CRYBA4: variants seen among roughly 807,000 people sequenced by gnomAD.
The protein encoded by CRYBA4 is beta-crystallin A4.
A neutral mutation model predicts 31.7 loss-of-function variants in CRYBA4; 30 were observed. The observed-to-expected ratio is 0.95, with a 90% CI of 0.71 to 1.28. The LOEUF (loss-of-function observed/expected upper bound fraction) is 1.28. Among genes scored for constraint, CRYBA4 ranks in the 50% most tolerant of loss-of-function variants. The pLI, the probability that CRYBA4 is intolerant of heterozygous loss-of-function variation, is 0.00. For missense variants in CRYBA4, 225 were observed against 260.7 expected (o/e 0.86, Z 0.94); for synonymous variants, 102 against 102.3 (o/e 1.00, Z 0.02).
chr22:26,615,703 AG>A, the CRYBA4 span, among the ~76,000 whole-genome samples: 1 of 151,146 alleles, frequency 6.6e-6, no homozygotes, highest in Non-Finnish European at 1.5e-5. Context: ...TAGTAGAGAC[AG>A]GGTTTCACCA....
At chr22:26,610,070 C>T in the CRYBA4 span, among the ~76,000 whole-genome samples, 1 of 152,066 alleles carries the variant, frequency 6.6e-6, no homozygotes, top group African/African-American at 2.4e-5. Flanking sequence ...CCCCTAAAAT[C>T]TCCCCTATCT....
intron 4 of CRYBA4, among the ~76,000 whole-genome samples, chr22:26,626,957 C>G (rs1415387137): frequency 6.6e-6 from 1 of 152,218 alleles, no homozygotes; most frequent in South Asian, 2.1e-4. Flanking sequence ...TCGCAATCAT[C>G]AGTCCAGGTG....
At chr22:26,617,258 T>C (rs569933720), upstream of CRYBA4, among the ~76,000 whole-genome samples, 11 of 152,306 alleles carry the variant, frequency 7.2e-5, no homozygotes, top group Middle Eastern at 3.4e-3. Context: ...TTTGAATGTT[T>C]GATGAATACC....
At chr22:26,627,426 T>A in intron 4 of CRYBA4, among the ~76,000 whole-genome samples, 1 of 75,350 alleles carries the variant, frequency 1.3e-5, no homozygotes, top group African/African-American at 1.0e-4. Context: ...CTTTCTTTCT[T>A]TTTCTTTCTT....
chr22:26,609,597 G>A, the CRYBA4 span, among the ~76,000 whole-genome samples: 1 of 152,192 alleles, frequency 6.6e-6, no homozygotes, highest in Non-Finnish European at 1.5e-5. Context: ...AACACATGGT[G>A]GGTACGTGTG....
the CRYBA4 span, among the ~76,000 whole-genome samples, chr22:26,591,803 G>A: frequency 6.6e-6 from 1 of 151,418 alleles, no homozygotes; most frequent in African/African-American, 2.4e-5. Flanking sequence ...CCCTACTTGG[G>A]AGGCTGAGGC....
chr22:26,607,383 G>A, the CRYBA4 span, among the ~76,000 whole-genome samples: 133 of 151,992 alleles, frequency 8.8e-4, 1 homozygote, highest in East Asian at 0.021. Flanking sequence ...GTTTCGAATG[G>A]GCACTGAAAT....
At chr22:26,611,951 T>A in the CRYBA4 span, 4 of 768,036 alleles carry the variant, frequency 5.2e-6, no homozygotes, top group Non-Finnish European at 9.5e-6. Flanking sequence ...TTGGACATAA[T>A]GTATGTGCCA....
intron 1 of CRYBA4, 132 bp from the exon 2 acceptor site, chr22:26,622,453 C>G: frequency 1.3e-6 from 1 of 761,112 alleles, no homozygotes; most frequent in Non-Finnish European, 2.4e-6. Flanking sequence ...CAGGCCAAAG[C>G]CATGCATTGC....
intron 3 of CRYBA4, 142 bp from the exon 4 acceptor site, chr22:26,625,339 C>A: frequency 1.0e-6 from 1 of 955,994 alleles, no homozygotes; most frequent in Non-Finnish European, 1.6e-6. Flanking sequence ...CCAAAAATGT[C>A]TCCAGCCATC....
rs777265040 is a variant in CRYBA4 at position 26,625,628 on chromosome 22, T to A, written c.300+6T>A. On this transcript the variant is annotated splice_donor_region_variant and intron_variant, in intron 4 of 5. Coordinates refer to ENST00000354760, the MANE Select transcript of CRYBA4 (RefSeq NM_001886.3). ...TCCGGCCTGCGGCCTGTGCTGTAAG[T>A]TCTACCACTGCTGCATCCCGGGGAG... The A allele has an allele frequency of 6.8e-6, 11 of 1,613,418 alleles. No individual in the cohort carries two copies. The highest frequency in any genetic ancestry group is 9.3e-6 in the Non-Finnish European group (11 of 1,179,794).
the CRYBA4 span, among the ~76,000 whole-genome samples, chr22:26,609,247 C>G: frequency 6.6e-6 from 1 of 152,288 alleles, no homozygotes; most frequent in African/African-American, 2.4e-5. Flanking sequence ...ACAGGAGCCT[C>G]AGGTCTTTGT....
the CRYBA4 span, among the ~76,000 whole-genome samples, chr22:26,598,602 T>TC: frequency 1.3e-5 from 2 of 152,282 alleles, no homozygotes; most frequent in South Asian, 4.1e-4. Context: ...CAGGCTGGTC[T>TC]CCAACTCCTG....
At chr22:26,623,956 C>G (rs1228737136) in intron 3 of CRYBA4, among the ~76,000 whole-genome samples, 2 of 152,158 alleles carry the variant, frequency 1.3e-5, no homozygotes, top group Non-Finnish European at 2.9e-5. Context: ...CCAGATGTGA[C>G]CATTGAGGAT....
chr22:26,603,112 C>T, the CRYBA4 span, among the ~76,000 whole-genome samples: 6 of 131,438 alleles, frequency 4.6e-5, no homozygotes, highest in East Asian at 6.7e-4. Context: ...GGCAACAGAG[C>T]GAGACTCCGT....
the CRYBA4 span, among the ~76,000 whole-genome samples, chr22:26,595,450 A>C: frequency 6.6e-6 from 1 of 152,068 alleles, no homozygotes; most frequent in Non-Finnish European, 1.5e-5. Flanking sequence ...ATGGTGGCGC[A>C]TGCCTATAAT....
Position 26,628,324 on chromosome 22 carries a change from GAGAACTTC to G in CRYBA4, c.338_345del (p.Glu113AlafsTer10). 6.2e-7 allele frequency: 1 copy of G among 1,614,012 alleles called. No individual in the cohort carries two copies. The highest frequency in any genetic ancestry group is 8.5e-7 in the Non-Finnish European group (1 of 1,180,008). ...CTCGAGGCTGACAATCTTCGAGCAA[GAGAACTTC>G]CTGGGCAAGAAAGGAGAGCTGAGCG... is the stretch of plus-strand genomic sequence containing the variant. On this transcript the variant is annotated frameshift_variant, in exon 5 of 6. Transcript: ENST00000354760. LOFTEE classifies it high-confidence loss of function.
At chr22:26,601,973 C>T in the CRYBA4 span, 9 of 1,613,582 alleles carry the variant, frequency 5.6e-6, no homozygotes, top group Non-Finnish European at 6.8e-6. Context: ...ATGGTGTTGC[C>T]CTTGAAGTTG....
At chr22:26,606,363 C>G in the CRYBA4 span, among the ~76,000 whole-genome samples, 2 of 152,196 alleles carry the variant, frequency 1.3e-5, no homozygotes, top group African/African-American at 2.4e-5. Flanking sequence ...GCATTGTTGA[C>G]ATTCTTTAAA....
Sources: allele counts gnomAD v4.1 joint callset (sites outside exome capture counted in the v4.1 genomes callset), GRCh38; gene constraint gnomAD v4.1.1; transcripts MANE v1.5; gene names NCBI Gene and HGNC (gene_info 2026-07-23, HGNC 2026-07-21).